The following HMGN4 variants were observed in gnomAD, a reference collection of about 807,000 sequenced individuals.
The protein encoded by HMGN4 is high mobility group nucleosomal binding domain 4.
For synonymous variants in HMGN4, 39 were observed against 39.1 expected (o/e 1.00, Z 0.01); for missense variants, 69 against 104.9 (o/e 0.66, Z 1.49).
In HMGN4 at chr6:26,546,445, C is replaced by G. The variant is rs1211270337; in HGVS notation, c.*966C>G. Among the ~76,000 whole-genome samples, 3 of 152,198 alleles carry G rather than the reference C, an allele frequency of 2.0e-5. No individual in the cohort carries two copies. The highest frequency in any genetic ancestry group is 7.2e-5 in the African/African-American group (3 of 41,452). ...TGCACTATTTACTGAAAAGTTCATCCTTTCCCCAGTGATTTGTAACACTGC... is the reference window on the plus strand; with the variant it reads ...TGCACTATTTACTGAAAAGTTCATCGTTTCCCCAGTGATTTGTAACACTGC... On this transcript the variant is annotated 3_prime_UTR_variant, in exon 2 of 2. Transcript: ENST00000377575.
Position 26,542,364 on chromosome 6 carries a change from G to T in HMGN4, c.-80-2763G>T, listed in dbSNP as rs1313368312. Among the ~76,000 whole-genome samples, 2 of 152,084 alleles carry T rather than the reference G, an allele frequency of 1.3e-5. No individual in the cohort carries two copies. The highest frequency in any genetic ancestry group is 1.3e-4 in the Admixed American group (2 of 15,262). ...TTGTTACAAATGATGAACTAATATT[G>T]ATAGCTTATTATTAACTAAAATATA... On this transcript the variant is annotated intron_variant, in intron 1 of 1. Coordinates refer to ENST00000377575, the MANE Select transcript of HMGN4 (RefSeq NM_006353.3). The surrounding 1 kb of genome is among the most constrained non-coding windows in gnomAD (Gnocchi z 4.6).
At position 26,545,478 on chromosome 6, in the gene HMGN4, G is replaced by A. The variant is rs369265989; in HGVS notation, c.272G>A (p.Ter91=). Reference sequence around the variant, plus strand: ...GCGGAAGGCACTGGGGATGCCAAGTGAAATGTACATTTTTGAGAGCTCTGT... The same window carrying A: ...GCGGAAGGCACTGGGGATGCCAAGTAAAATGTACATTTTTGAGAGCTCTGT... ...QKAEGTGDAK[*] is the part of the protein sequence containing the mutation. Residue 91 remains the stop codon, a stop_retained_variant, in exon 2 of 2, where the codon TGA becomes TAA. Transcript: ENST00000377575. 1.3e-6 allele frequency: 2 copies of A among 1,545,988 alleles called. No individual in the cohort carries two copies. The highest frequency in any genetic ancestry group is 1.7e-6 in the Non-Finnish European group (2 of 1,149,784).
intron 1 of HMGN4, among the ~76,000 whole-genome samples, chr6:26,543,779 A>G (rs1764316944): frequency 6.8e-6 from 1 of 146,446 alleles, no homozygotes; most frequent in South Asian, 2.1e-4. Context: ...AAAAAAAAAA[A>G]AAAAAAAAAA....
chr6:26,541,745 T>C (rs369555874), intron 1 of HMGN4, among the ~76,000 whole-genome samples: 6 of 152,324 alleles, frequency 3.9e-5, no homozygotes, highest in South Asian at 4.1e-4. Flanking sequence ...AACAAAAGGA[T>C]TGGAAGAAGG....
intron 1 of HMGN4, among the ~76,000 whole-genome samples, chr6:26,543,454 C>T (rs1764311032): frequency 1.4e-5 from 1 of 69,756 alleles, no homozygotes; most frequent in African/African-American, 7.5e-5. Context: ...CAGAGTCTCA[C>T]TCTGTCCCCC....
At position 26,538,516 on chromosome 6, in the gene HMGN4, G is replaced by A. The variant is rs1465915758; in HGVS notation, c.-81+15G>A. 1 of 152,054 alleles carries A rather than the reference G, an allele frequency of 6.6e-6. No individual in the cohort carries two copies. The highest frequency in any genetic ancestry group is 1.5e-5 in the Non-Finnish European group (1 of 68,216). 9.4% of individuals were successfully genotyped at this position (152,054 alleles called of 1,614,324 possible). Reference sequence around the variant, plus strand: ...ACGAGACTCGGGTAAGTGCCTCACAGACTTTGTGCGCTACCCCGGAAAATG... The same window carrying A: ...ACGAGACTCGGGTAAGTGCCTCACAAACTTTGTGCGCTACCCCGGAAAATG... On this transcript the variant is annotated intron_variant, in intron 1 of 1. Transcript: ENST00000377575.
At chr6:26,540,911 G>A (rs1270437619) in intron 1 of HMGN4, among the ~76,000 whole-genome samples, 1 of 152,196 alleles carries the variant, frequency 6.6e-6, no homozygotes, top group African/African-American at 2.4e-5. Flanking sequence ...GGGATGAGGT[G>A]AAAATGAGTA....
At position 26,546,623 on chromosome 6, in the gene HMGN4, A is replaced by G. The variant is rs1484078586; in HGVS notation, c.*1144A>G. Among the ~76,000 whole-genome samples the G allele has an allele frequency of 6.6e-6, 1 of 152,208 alleles. No individual in the cohort carries two copies. Among genetic ancestry groups the G allele is most frequent in the Non-Finnish European group, 1.5e-5 (1 of 68,038 alleles). ...GTCTGATAAAAACCAAGATGCCTCC[A>G]CATTTTGTCATAATTGTAACCAATT... On this transcript the variant is annotated 3_prime_UTR_variant, in exon 2 of 2. Coordinates refer to ENST00000377575, the MANE Select transcript of HMGN4 (RefSeq NM_006353.3).
rs1011189116 is a variant in HMGN4 at position 26,542,854 on chromosome 6, A to G, written c.-80-2273A>G. Among the ~76,000 whole-genome samples the G allele has an allele frequency of 2.0e-5, 3 of 152,116 alleles. No homozygotes were observed. The highest frequency in any genetic ancestry group is 6.5e-5 in the Admixed American group (1 of 15,276). ...GACATGTGGAGATCATGGCCCCCCT[A>G]CTTCGGATGGACTTCAATGGATCTA... On this transcript the variant is annotated intron_variant, in intron 1 of 1. Coordinates refer to ENST00000377575, the MANE Select transcript of HMGN4 (RefSeq NM_006353.3). This position sits in a 1 kb window ranked among gnomAD's most constrained non-coding sequence, Gnocchi z 4.6.
At position 26,542,056 on chromosome 6, in the gene HMGN4, A is replaced by T. The variant is rs1051838193; in HGVS notation, c.-80-3071A>T. 3.9e-5 allele frequency among the ~76,000 whole-genome samples: 6 copies of T among 152,256 alleles called. No homozygotes were observed. The highest frequency in any genetic ancestry group is 1.4e-4 in the African/African-American group (6 of 41,462). On this transcript the variant is annotated intron_variant, in intron 1 of 1. Coordinates refer to ENST00000377575, the MANE Select transcript of HMGN4 (RefSeq NM_006353.3). This position sits in a 1 kb window ranked among gnomAD's most constrained non-coding sequence, Gnocchi z 4.6. ...TGAAAGTCATTTCTCTATGTTTCCA[A>T]AAGTTGTACAATTACTAGTAAGATT...
At chr6:26,544,762 T>A (rs144837997) in intron 1 of HMGN4, among the ~76,000 whole-genome samples, 321 of 152,322 alleles carry the variant, frequency 2.1e-3, no homozygotes, top group African/African-American at 7.0e-3. Flanking sequence ...TTTTCCTCAG[T>A]TTGATAGATA....
intron 1 of HMGN4, chr6:26,539,840 A>T (rs1764267300): frequency 6.6e-6 from 1 of 152,176 alleles, no homozygotes; most frequent in African/African-American, 2.4e-5. Flanking sequence ...AAACTTGGGC[A>T]TGTGCTCAAC....
In HMGN4 at chr6:26,542,094, A is replaced by C. The variant is rs1280869968; in HGVS notation, c.-80-3033A>C. On this transcript the variant is annotated intron_variant, in intron 1 of 1. Coordinates refer to ENST00000377575, the MANE Select transcript of HMGN4 (RefSeq NM_006353.3). The surrounding 1 kb of genome is among the most constrained non-coding windows in gnomAD (Gnocchi z 4.6). ...TACTAGTAAGATTTATCTGCCAGTT[A>C]ATAATTTTTCTTTTCTTCCACATGC... Among the ~76,000 whole-genome samples, 1 of 152,224 alleles carries C rather than the reference A, an allele frequency of 6.6e-6. No individual in the cohort carries two copies. Among genetic ancestry groups the C allele is most frequent in the Admixed American group, 6.5e-5 (1 of 15,276 alleles).
chr6:26,544,462 T>C (rs1764325549), intron 1 of HMGN4, among the ~76,000 whole-genome samples: 1 of 152,236 alleles, frequency 6.6e-6, no homozygotes, highest in Non-Finnish European at 1.5e-5. Context: ...TACCAAAATA[T>C]ATGCATCCCT....
rs1279471235 is a variant in HMGN4 at position 26,545,145 on chromosome 6, C to T, written c.-62C>T. ...GTTAAAGACATCTTTCCAGGAACAGCGTGAGGAGGACAGAAGCACCCAACA... is the reference window on the plus strand; with the variant it reads ...GTTAAAGACATCTTTCCAGGAACAGTGTGAGGAGGACAGAAGCACCCAACA... On this transcript the variant is annotated 5_prime_UTR_variant, in exon 2 of 2. Coordinates refer to ENST00000377575, the MANE Select transcript of HMGN4 (RefSeq NM_006353.3). 4 of 1,379,050 alleles carry T rather than the reference C, an allele frequency of 2.9e-6. No individual in the cohort carries two copies. The highest frequency in any genetic ancestry group is 2.5e-5 in the East Asian group (1 of 40,628). The allele number at this position is 1,379,050 out of a possible 1,614,324, so 85.4% of individuals were successfully genotyped here.
rs1042760003 is a variant in HMGN4 at position 26,538,478 on chromosome 6, C to G, written c.-104C>G. ...CGGGCCTCAGCTGGGATTCCCGCGC[C>G]CCTCGGACGGCCACGAGACTCGGGT... On this transcript the variant is annotated 5_prime_UTR_variant, in exon 1 of 2. Coordinates refer to ENST00000377575, the MANE Select transcript of HMGN4 (RefSeq NM_006353.3). The G allele has an allele frequency of 2.0e-5, 3 of 152,374 alleles. No individual in the cohort carries two copies. The highest frequency in any genetic ancestry group is 7.2e-5 in the African/African-American group (3 of 41,470). The allele number at this position is 152,374 out of a possible 1,614,324, so 9.4% of individuals were successfully genotyped here. A position where few individuals can be genotyped will look rare whatever the true frequency, so the allele number is the denominator to read the frequency against.
At chr6:26,541,132 T>C (rs1383279985) in intron 1 of HMGN4, among the ~76,000 whole-genome samples, 1 of 152,096 alleles carries the variant, frequency 6.6e-6, no homozygotes, top group Non-Finnish European at 1.5e-5. Flanking sequence ...CTGCAACCTC[T>C]GCCTCCCGGG....
In HMGN4 at chr6:26,545,619, C is replaced by G; in HGVS notation, c.*140C>G. The G allele has an allele frequency of 3.1e-6, 2 of 638,814 alleles. No homozygotes were observed. Among genetic ancestry groups the G allele is most frequent in the Admixed American group, 7.5e-5 (2 of 26,518 alleles). 39.6% of individuals were successfully genotyped at this position (638,814 alleles called of 1,614,324 possible). A position where few individuals can be genotyped will look rare whatever the true frequency, so the allele number is the denominator to read the frequency against. On this transcript the variant is annotated 3_prime_UTR_variant, in exon 2 of 2. Transcript: ENST00000377575. ...AGCACACAGGACACTTCCTTGTTGTCTTTTGTGGAAAGGGCAAGTACCACT... is the reference window on the plus strand; with the variant it reads ...AGCACACAGGACACTTCCTTGTTGTGTTTTGTGGAAAGGGCAAGTACCACT...
intron 1 of HMGN4, among the ~76,000 whole-genome samples, chr6:26,539,494 C>T (rs988419174): frequency 1.3e-5 from 2 of 151,996 alleles, no homozygotes; most frequent in African/African-American, 4.8e-5. Context: ...TGGTCTCAAA[C>T]TCCTGACCTC....
Sources: gnomAD v4.1 joint callset for allele counts (sites outside exome capture counted in the v4.1 genomes callset) on GRCh38, gnomAD v4.1.1 for gene constraint, Gnocchi (gnomAD v3.1) non-coding constraint, MANE v1.5 for transcripts, NCBI Gene and HGNC (gene_info 2026-07-23, HGNC 2026-07-21) for gene names.